Variants in ASB3 observed in about 807,000 individuals in gnomAD.
ASB3 encodes the protein ankyrin repeat and SOCS box protein 3.
Under a neutral mutation model 54.5 loss-of-function variants are expected in ASB3, and 41 were observed. The ratio of observed to expected loss-of-function variants is 0.75; its 90% CI spans 0.59 to 0.98. ASB3 has a LOEUF of 0.98. Among genes scored for constraint, ASB3 ranks in the 50% least tolerant of loss-of-function variants. ASB3 has a pLI of 0.00. For synonymous variants in ASB3, 266 were observed against 221.2 expected (o/e 1.20, Z -1.80); for missense variants, 733 against 620.0 (o/e 1.18, Z -1.94).
chr2:53,699,764 G>C (rs1018672316), intron 8 of ASB3, among the ~76,000 whole-genome samples: 1 of 152,158 alleles, frequency 6.6e-6, no homozygotes, highest in Non-Finnish European at 1.5e-5. Context: ...CTGACTCGGC[G>C]TTTGTATAAT....
At chr2:53,676,787 T>G (rs1033845238) in intron 9 of ASB3, among the ~76,000 whole-genome samples, 3 of 152,224 alleles carry the variant, frequency 2.0e-5, no homozygotes, top group Admixed American at 1.3e-4. Context: ...TTGTTTTGTT[T>G]TGAGACGGAG....
At chr2:53,711,229 C>T (rs776090491) in intron 7 of ASB3, among the ~76,000 whole-genome samples, 1 of 152,164 alleles carries the variant, frequency 6.6e-6, no homozygotes, top group Non-Finnish European at 1.5e-5. Context: ...ATTAGGGTAT[C>T]CGCTTCTCCA....
intron 8 of ASB3, chr2:53,694,500 T>G (rs897969435): frequency 6.6e-6 from 1 of 152,564 alleles, no homozygotes; most frequent in Non-Finnish European, 1.5e-5. Context: ...TGTTCTCCTC[T>G]AAGAACCTTC....
chr2:53,697,396 T>C (rs1458311613), intron 8 of ASB3, among the ~76,000 whole-genome samples: 1 of 152,188 alleles, frequency 6.6e-6, no homozygotes, highest in Non-Finnish European at 1.5e-5. Flanking sequence ...GCCTATGAAA[T>C]AGCCATTCTT....
intron 8 of ASB3, among the ~76,000 whole-genome samples, chr2:53,697,272 A>T (rs908676614): frequency 7.2e-5 from 11 of 152,206 alleles, no homozygotes; most frequent in African/African-American, 2.4e-4. Context: ...CAGTCCTGGG[A>T]CTTGCCCACC....
At chr2:53,781,607 TGCTTCA>T (rs1290181092) in intron 1 of ASB3, among the ~76,000 whole-genome samples, 2 of 152,170 alleles carry the variant, frequency 1.3e-5, no homozygotes, top group Non-Finnish European at 2.9e-5. Flanking sequence ...GTGATTCTCC[TGCTTCA>T]GCCTCCAGAG....
chr2:53,677,488 T>G (rs973351808), intron 9 of ASB3, among the ~76,000 whole-genome samples: 8 of 131,552 alleles, frequency 6.1e-5, no homozygotes, highest in East Asian at 5.8e-4. Context: ...TATCTGCAGG[T>G]TTTTTTTAAA....
chr2:53,709,270 G>T (rs1480010625), intron 7 of ASB3, among the ~76,000 whole-genome samples: 1 of 152,186 alleles, frequency 6.6e-6, no homozygotes, highest in Non-Finnish European at 1.5e-5. Flanking sequence ...TACAGCTCAG[G>T]CCACTGTTTC....
chr2:53,764,205 C>T (rs976759032), intron 2 of ASB3, among the ~76,000 whole-genome samples: 3 of 152,092 alleles, frequency 2.0e-5, no homozygotes, highest in Admixed American at 6.5e-5. Flanking sequence ...GAAAGAGGGT[C>T]TGAATTTCCA....
At chr2:53,752,065 G>C (rs1347113136) in intron 2 of ASB3, among the ~76,000 whole-genome samples, 12 of 152,060 alleles carry the variant, frequency 7.9e-5, no homozygotes, top group Non-Finnish European at 1.8e-4. Flanking sequence ...GGAACACAAA[G>C]ACATATATAG....
At chr2:53,729,714 C>A in intron 3 of ASB3, 144 bp from the exon 4 acceptor site, 1 of 644,668 alleles carries the variant, frequency 1.6e-6, no homozygotes, top group Non-Finnish European at 2.7e-6. Flanking sequence ...ATTGTCTTAG[C>A]CCAAATCCAT....
chr2:53,716,089 C>T (rs1330118194), intron 6 of ASB3, among the ~76,000 whole-genome samples: 1 of 152,156 alleles, frequency 6.6e-6, no homozygotes, highest in Non-Finnish European at 1.5e-5. Flanking sequence ...CCCCCATTTA[C>T]TCTCTCTCCA....
At chr2:53,773,728 C>T (rs1674115682) in intron 1 of ASB3, among the ~76,000 whole-genome samples, 1 of 151,436 alleles carries the variant, frequency 6.6e-6, no homozygotes, top group Admixed American at 6.6e-5. Flanking sequence ...CGCTCCTGGC[C>T]CACTTTTAAA....
At chr2:53,696,656 C>G (rs947217953) in intron 8 of ASB3, among the ~76,000 whole-genome samples, 1 of 152,104 alleles carries the variant, frequency 6.6e-6, no homozygotes, top group Non-Finnish European at 1.5e-5. Flanking sequence ...ATAGATAGCC[C>G]TCCACATCCT....
In ASB3 at chr2:53,721,820, A is replaced by G. The variant is rs184675792; in HGVS notation, c.605-5077T>C. Among the ~76,000 whole-genome samples the G allele has an allele frequency of 1.9e-3, 290 of 152,294 alleles. 3 individuals are homozygous for G. The highest frequency in any genetic ancestry group is 6.8e-3 in the African/African-American group (282 of 41,568). On this transcript the variant is annotated intron_variant, in intron 5 of 9. Coordinates refer to ENST00000263634, the MANE Select transcript of ASB3 (RefSeq NM_016115.5). ...AGAACAAACTAACCCCAAAGCTATT[A>G]GAAGAAAAAAAATAATTAAAATCAG...
chr2:53,698,006 T>C (rs956277382), intron 8 of ASB3, among the ~76,000 whole-genome samples: 1 of 152,182 alleles, frequency 6.6e-6, no homozygotes, highest in African/African-American at 2.4e-5. Flanking sequence ...GGTAGAAACT[T>C]TGTGGCAGCT....
chr2:53,728,728 G>T lies in ASB3; in HGVS notation c.588C>A (p.Ser196Arg). The change falls in exon 5 of 10, where the codon AGC becomes AGA. Residue 196 changes from serine (S) to arginine (R), a missense_variant. Coordinates refer to ENST00000263634, the MANE Select transcript of ASB3 (RefSeq NM_016115.5). ...TAATCTTACCCGATGAAATAAGTAT[G>T]CTCAAGCTTTCTAGCTTGCCATACT... ...AAQYGKLESL[S>R]ILISSGANVN... The T allele has an allele frequency of 6.2e-7, 1 of 1,607,570 alleles. No homozygotes were observed. The highest frequency in any genetic ancestry group is 8.5e-7 in the Non-Finnish European group (1 of 1,176,880).
At chr2:53,762,193 GTA>G (rs371623942) in intron 2 of ASB3, among the ~76,000 whole-genome samples, 2 of 150,898 alleles carry the variant, frequency 1.3e-5, no homozygotes, top group East Asian at 3.9e-4. Flanking sequence ...GTGTGTGTGT[GTA>G]TACATACACA....
intron 7 of ASB3, among the ~76,000 whole-genome samples, chr2:53,707,032 T>A (rs1669811836): frequency 6.6e-6 from 1 of 152,172 alleles, no homozygotes; most frequent in South Asian, 2.1e-4. Context: ...TTGCTGTGAA[T>A]AAATAATTGT....
Sources: gnomAD v4.1 joint callset for allele counts (sites outside exome capture counted in the v4.1 genomes callset) on GRCh38, gnomAD v4.1.1 for gene constraint, MANE v1.5 for transcripts, NCBI Gene and HGNC (gene_info 2026-07-23, HGNC 2026-07-21) for gene names.